Variants in MFHAS1 observed in about 807,000 individuals in gnomAD.
MFHAS1 encodes malignant fibrous histiocytoma-amplified sequence 1.
A neutral mutation model predicts 70.4 loss-of-function variants in MFHAS1; 50 were observed. That is an observed-to-expected ratio of 0.71 (90% CI 0.57 to 0.90). MFHAS1 has a LOEUF of 0.90. Among genes scored for constraint, MFHAS1 ranks in the 40% least tolerant of loss-of-function variants. The pLI is 0.00. For missense variants in MFHAS1, 1,795 were observed against 1,347.6 expected (o/e 1.33, Z -5.20); for synonymous variants, 952 against 620.0 (o/e 1.54, Z -7.96).
At chr8:8,851,493 G>C (rs540937182) in intron 1 of MFHAS1, among the ~76,000 whole-genome samples, 10 of 152,290 alleles carry the variant, frequency 6.6e-5, no homozygotes, top group South Asian at 6.2e-4. Flanking sequence ...TCTACGTGTG[G>C]AGTTGTTATC....
At chr8:8,889,194 A>G (rs1421941934) in intron 1 of MFHAS1, among the ~76,000 whole-genome samples, 1 of 152,174 alleles carries the variant, frequency 6.6e-6, no homozygotes, top group Non-Finnish European at 1.5e-5. Flanking sequence ...GCACTGCCAG[A>G]AAGCTTCATT....
intron 1 of MFHAS1, among the ~76,000 whole-genome samples, chr8:8,826,337 G>C (rs1807161967): frequency 1.3e-5 from 2 of 151,608 alleles, no homozygotes; most frequent in African/African-American, 4.8e-5. Flanking sequence ...CAGAACTCTG[G>C]ATTGTGTGTC....
intron 1 of MFHAS1, among the ~76,000 whole-genome samples, chr8:8,813,422 T>C (rs1443350892): frequency 6.6e-6 from 1 of 152,150 alleles, no homozygotes; most frequent in African/African-American, 2.4e-5. Context: ...GGCATTTTTA[T>C]TACAGGGTAT....
chr8:8,818,918 G>C (rs1806843282), intron 1 of MFHAS1, among the ~76,000 whole-genome samples: 2 of 152,076 alleles, frequency 1.3e-5, no homozygotes, highest in African/African-American at 4.8e-5. Context: ...ATTATTTGTA[G>C]CCCCTTTTTG....
chr8:8,882,431 C>G (rs1457875463), intron 1 of MFHAS1, among the ~76,000 whole-genome samples: 1 of 151,680 alleles, frequency 6.6e-6, no homozygotes, highest in African/African-American at 2.4e-5. Context: ...CATAAACAAC[C>G]AAAAAAGCAC....
At chr8:8,786,108 A>G in intron 2 of MFHAS1, 53 bp from the exon 3 acceptor site, 1 of 1,469,630 alleles carries the variant, frequency 6.8e-7, no homozygotes, top group East Asian at 2.3e-5. Context: ...GTACTGGACA[A>G]TGCTACCCTC....
intron 1 of MFHAS1, among the ~76,000 whole-genome samples, chr8:8,844,305 A>G (rs987369560): frequency 2.6e-5 from 4 of 152,248 alleles, no homozygotes; most frequent in Non-Finnish European, 5.9e-5. Flanking sequence ...TCTCTTTAAA[A>G]TGGGAAAAAT....
intron 2 of MFHAS1, among the ~76,000 whole-genome samples, chr8:8,789,085 C>A (rs1342071887): frequency 6.6e-6 from 1 of 151,742 alleles, no homozygotes; most frequent in Non-Finnish European, 1.5e-5. Flanking sequence ...AGCAGGCAGC[C>A]AGCTGAGACT....
intron 1 of MFHAS1, among the ~76,000 whole-genome samples, chr8:8,814,076 T>G (rs1050891642): frequency 1.3e-5 from 2 of 152,222 alleles, no homozygotes; most frequent in South Asian, 4.2e-4. Flanking sequence ...TAGCTGGGAT[T>G]ACAGGTGTGT....
At chr8:8,851,088 G>A (rs1337315997) in intron 1 of MFHAS1, among the ~76,000 whole-genome samples, 6 of 152,272 alleles carry the variant, frequency 3.9e-5, no homozygotes, top group Middle Eastern at 3.4e-3. Context: ...GCCTCAAGAG[G>A]TTAGGAGAAA....
rs528636273 is a variant in MFHAS1, at chr8:8,865,979, G to A, written c.2998+24082C>T. Among the ~76,000 whole-genome samples the A allele has an allele frequency of 9.7e-4, 147 of 152,266 alleles. 1 individual carries two copies. The Middle Eastern group carries it at 0.014, about 14-fold the overall frequency. ...CCTACTCTCCTGACAGTGCAGCCAC[G>A]GAAAAAGTGCCAAAGCATGCCAACC... is the stretch of plus-strand genomic sequence containing the variant. On this transcript the variant is annotated intron_variant, in intron 1 of 2. Transcript: ENST00000276282.
chr8:8,867,275 T>C (rs1051698665), intron 1 of MFHAS1, among the ~76,000 whole-genome samples: 3 of 152,178 alleles, frequency 2.0e-5, no homozygotes, highest in African/African-American at 7.2e-5. Context: ...ATATAAACTT[T>C]TTGTTACATT....
At chr8:8,876,865 C>A (rs1809317502) in intron 1 of MFHAS1, among the ~76,000 whole-genome samples, 1 of 151,624 alleles carries the variant, frequency 6.6e-6, no homozygotes, top group Non-Finnish European at 1.5e-5. Context: ...ACCCAGGAGG[C>A]AGAGGTTGCA....
chr8:8,891,270 C>T lies in MFHAS1; in HGVS notation c.1789G>A (p.Gly597Ser). 1 of 1,612,132 alleles carries T rather than the reference C, an allele frequency of 6.2e-7. No individual in the cohort carries two copies. The highest frequency in any genetic ancestry group is 8.5e-7 in the Non-Finnish European group (1 of 1,180,034). ...CGTCGAAGGTTCTTGTCCGAAACGC[C>T]ATAGTAGGCTGCGTGGGGGCTGGCA... Reference protein sequence around the residue: ...RSASPHAAYYGVSDKNLRRRK... With the variant: ...RSASPHAAYYSVSDKNLRRRK... Residue 597 changes from glycine to serine, a missense_variant, in exon 1 of 3, where the codon GGC becomes AGC. Gly to Ser is a moderately conservative substitution (Grantham distance 56). Transcript: ENST00000276282. This position sits in a 1 kb window ranked among gnomAD's most constrained non-coding sequence, Gnocchi z 5.4.
intron 1 of MFHAS1, among the ~76,000 whole-genome samples, chr8:8,857,740 A>C (rs1039777416): frequency 3.9e-5 from 6 of 152,046 alleles, no homozygotes; most frequent in Non-Finnish European, 7.4e-5. Context: ...AGCCTGGGCA[A>C]CAGAGCAAGA....
intron 2 of MFHAS1, among the ~76,000 whole-genome samples, chr8:8,788,375 G>T (rs1031707124): frequency 6.6e-6 from 1 of 152,118 alleles, no homozygotes. Flanking sequence ...ACCAAAAGAG[G>T]TATATAAAAA....
intron 1 of MFHAS1, among the ~76,000 whole-genome samples, chr8:8,879,619 T>C (rs985318492): frequency 6.6e-5 from 10 of 152,182 alleles, no homozygotes; most frequent in Non-Finnish European, 1.0e-4. Context: ...TCACATTTTT[T>C]TTCTGGAAAA....
At chr8:8,884,580 G>A (rs775562102) in intron 1 of MFHAS1, among the ~76,000 whole-genome samples, 72 of 152,310 alleles carry the variant, frequency 4.7e-4, no homozygotes, top group Non-Finnish European at 8.1e-4. Context: ...AACACTGTGA[G>A]GGGGAGGGAG....
chr8:8,788,332 G>A (rs1373331646), intron 2 of MFHAS1, among the ~76,000 whole-genome samples: 3 of 152,250 alleles, frequency 2.0e-5, no homozygotes, highest in African/African-American at 7.2e-5. Flanking sequence ...AAAAGCCACA[G>A]GTAAAAAGTA....
Sources: gnomAD v4.1 joint callset for allele counts (sites outside exome capture counted in the v4.1 genomes callset) on GRCh38, gnomAD v4.1.1 for gene constraint, Gnocchi (gnomAD v3.1) non-coding constraint, MANE v1.5 for transcripts, NCBI Gene and HGNC (gene_info 2026-07-23, HGNC 2026-07-21) for gene names.